MAP3K13: variants seen among roughly 807,000 people sequenced by gnomAD.
MAP3K13 encodes leucine zipper-bearing kinase.
Under a neutral mutation model 104.0 loss-of-function variants are expected in MAP3K13, and 52 were observed. That is an observed-to-expected ratio of 0.50 (90% confidence interval 0.40 to 0.63). The LOEUF (loss-of-function observed/expected upper bound fraction) is 0.63, where lower values mean the gene tolerates loss of function less well. Ranked by LOEUF, MAP3K13 falls within the 20% of genes least tolerant of loss-of-function variation. The pLI is 0.00. For missense variants in MAP3K13, 914 were observed against 1,218.5 expected (o/e 0.75, Z 3.72); for synonymous variants, 394 against 442.2 (o/e 0.89, Z 1.37).
intron 11 of MAP3K13, among the ~76,000 whole-genome samples, chr3:185,474,257 C>T (rs545385560): frequency 5.2e-4 from 78 of 150,846 alleles, no homozygotes; most frequent in African/African-American, 1.7e-3. Context: ...ACCTGGGAGG[C>T]GGAGGTTGCA....
At chr3:185,479,919 A>G (rs1210400210) in intron 12 of MAP3K13, among the ~76,000 whole-genome samples, 1 of 152,196 alleles carries the variant, frequency 6.6e-6, no homozygotes, top group Non-Finnish European at 1.5e-5. Context: ...TCCTCTTTTT[A>G]TAAGGCTGCC....
chr3:185,393,844 T>G (rs1201742921), intron 1 of MAP3K13, among the ~76,000 whole-genome samples: 2 of 152,148 alleles, frequency 1.3e-5, no homozygotes, highest in Non-Finnish European at 2.9e-5. Context: ...TTTTAACCTA[T>G]TTCCTTAGGC....
chr3:185,454,420 A>T (rs796858909), intron 7 of MAP3K13, among the ~76,000 whole-genome samples: 1,141 of 19,434 alleles, frequency 0.059, 461 homozygotes, highest in Non-Finnish European at 0.14. Context: ...GAGATATATG[A>T]GATATATATG....
At chr3:185,462,191 A>C (rs957309586) in intron 7 of MAP3K13, among the ~76,000 whole-genome samples, 1 of 151,990 alleles carries the variant, frequency 6.6e-6, no homozygotes. Context: ...GAGGAAACTT[A>C]TTTTCACTGT....
At chr3:185,366,976 G>T (rs1184347577) in intron 1 of MAP3K13, among the ~76,000 whole-genome samples, 1 of 152,058 alleles carries the variant, frequency 6.6e-6, no homozygotes, top group Non-Finnish European at 1.5e-5. Flanking sequence ...TATGCTTTTG[G>T]TGTCATATCT....
chr3:185,386,824 C>T (rs768682162), intron 1 of MAP3K13, among the ~76,000 whole-genome samples: 2 of 152,160 alleles, frequency 1.3e-5, no homozygotes, highest in Non-Finnish European at 2.9e-5. Flanking sequence ...ACCACATGTT[C>T]TCACTTATAA....
chr3:185,298,994 G>A (rs914940230), intron 2 of MAP3K13, among the ~76,000 whole-genome samples: 7 of 152,174 alleles, frequency 4.6e-5, no homozygotes, highest in African/African-American at 1.2e-4. Context: ...ATTCTTTTTC[G>A]CTCATAAAAT....
chr3:185,357,466 A>AAAAG (rs1723416573), intron 2 of MAP3K13, among the ~76,000 whole-genome samples: 1 of 150,626 alleles, frequency 6.6e-6, no homozygotes, highest in Non-Finnish European at 1.5e-5. Context: ...AAAAAAAAAA[A>AAAAG]AGAAAAAAAG....
At chr3:185,454,887 T>C (rs1181480884) in intron 7 of MAP3K13, among the ~76,000 whole-genome samples, 1 of 114,262 alleles carries the variant, frequency 8.8e-6, no homozygotes, top group Non-Finnish European at 1.7e-5. Context: ...ATATATGATA[T>C]ATATATGAGA....
rs201846366 is a variant in MAP3K13 at position 185,323,088 on chromosome 3, ATAGT to A, written c.-86+37449_-86+37452del. Among the ~76,000 whole-genome samples the A allele has an allele frequency of 4.3e-3, 648 of 152,308 alleles. 19 individuals are homozygous for A. Among genetic ancestry groups the A allele is most frequent in the Admixed American group, 0.039 (593 of 15,304 alleles). On this transcript the variant is annotated intron_variant, in intron 2 of 14. Transcript: ENST00000424227. ...TTTTAATAAACTTTTTGTTTTTGAAATAGTTAGAGATGTATAGAAAATCTGCTAA... is the reference window on the plus strand; with the variant it reads ...TTTTAATAAACTTTTTGTTTTTGAAATAGAGATGTATAGAAAATCTGCTAA...
At chr3:185,358,575 T>G (rs1723475500), upstream of MAP3K13, among the ~76,000 whole-genome samples, 1 of 152,212 alleles carries the variant, frequency 6.6e-6, no homozygotes, top group Admixed American at 6.5e-5. Flanking sequence ...TAAGAATGTT[T>G]TTCCTTAGAT....
At chr3:185,314,289 T>C (rs2108688714) in intron 2 of MAP3K13, among the ~76,000 whole-genome samples, 1 of 152,348 alleles carries the variant, frequency 6.6e-6, no homozygotes, top group African/African-American at 2.4e-5. Flanking sequence ...AATATGTGGC[T>C]AAATGAGAAT....
At position 185,486,104 on chromosome 3, in the gene MAP3K13, T is replaced by C. The variant is rs968796785; in HGVS notation, c.*3648T>C. On this transcript the variant is annotated 3_prime_UTR_variant, in exon 14 of 14. Transcript: ENST00000265026. ...TTGTCCAATTCTTGCCCACCTTTAG[T>C]GGCAACAGAGAAACATGAGGGTCAG... 1 of 152,226 alleles carries C rather than the reference T, an allele frequency of 6.6e-6. No homozygotes were observed. The highest frequency in any genetic ancestry group is 2.4e-5 in the African/African-American group (1 of 41,462). 9.4% of individuals were successfully genotyped at this position (152,226 alleles called of 1,614,324 possible). A position where few individuals can be genotyped will look rare whatever the true frequency, so the allele number is the denominator to read the frequency against.
chr3:185,458,863 A>G (rs1157854159), intron 7 of MAP3K13, among the ~76,000 whole-genome samples: 1 of 152,246 alleles, frequency 6.6e-6, no homozygotes, highest in Non-Finnish European at 1.5e-5. Context: ...GAGCAGATGA[A>G]CAAAGCAACC....
intron 3 of MAP3K13, 84 bp from the exon 4 acceptor site, chr3:185,443,361 T>C: frequency 1.1e-6 from 1 of 878,416 alleles, no homozygotes; most frequent in Non-Finnish European, 1.7e-6. Context: ...GGGTATAGAA[T>C]TGGTTTTTAT....
chr3:185,444,851 T>TA (rs1430489521), intron 4 of MAP3K13, among the ~76,000 whole-genome samples: 1 of 151,944 alleles, frequency 6.6e-6, no homozygotes, highest in Non-Finnish European at 1.5e-5. Context: ...GGCATGGTAG[T>TA]ATGAGCCTAT....
At chr3:185,341,217 C>T (rs1219444461) in intron 2 of MAP3K13, among the ~76,000 whole-genome samples, 1 of 152,076 alleles carries the variant, frequency 6.6e-6, no homozygotes, top group Admixed American at 6.6e-5. Context: ...TTAGGGTGGA[C>T]TCTAAATCCA....
At chr3:185,321,013 A>G (rs1486876954) in intron 2 of MAP3K13, among the ~76,000 whole-genome samples, 1 of 134,556 alleles carries the variant, frequency 7.4e-6, no homozygotes, top group Non-Finnish European at 1.6e-5. Flanking sequence ...ATGCATGTAT[A>G]TATACATATG....
chr3:185,431,122 C>T (rs1476024541), intron 2 of MAP3K13, among the ~76,000 whole-genome samples: 2 of 152,108 alleles, frequency 1.3e-5, no homozygotes, highest in Admixed American at 6.6e-5. Flanking sequence ...GGGGGAGATC[C>T]GCCCCATGAT....
Sources: allele counts gnomAD v4.1 joint callset (sites outside exome capture counted in the v4.1 genomes callset), GRCh38; gene constraint gnomAD v4.1.1; transcripts MANE v1.5; gene names NCBI Gene and HGNC (gene_info 2026-07-23, HGNC 2026-07-21).